The following UCHL3 variants were observed in gnomAD, a reference collection of about 807,000 sequenced individuals.
UCHL3 encodes ubiquitin C-terminal hydrolase L3.
Under a neutral mutation model 35.8 loss-of-function variants are expected in UCHL3, and 22 were observed. The ratio of observed to expected loss-of-function variants is 0.61; its 90% CI spans 0.44 to 0.88. UCHL3 has a LOEUF of 0.88. Ranked by LOEUF, UCHL3 falls within the 40% of genes least tolerant of loss-of-function variation. The pLI, the probability that UCHL3 is intolerant of heterozygous loss-of-function variation, is 0.00. For missense variants in UCHL3, 229 were observed against 276.9 expected (o/e 0.83, Z 1.23); for synonymous variants, 90 against 92.8 (o/e 0.97, Z 0.17).
At chr13:75,559,522 A>G (rs2031422283) in intron 2 of UCHL3, among the ~76,000 whole-genome samples, 1 of 152,188 alleles carries the variant, frequency 6.6e-6, no homozygotes, top group Non-Finnish European at 1.5e-5. Context: ...CAGAGAAATG[A>G]AGGGATAAGG....
chr13:75,567,313 G>A lies in UCHL3; in HGVS notation c.426+1G>A. ...AGCCAGATACCTGGAGAACTATGAT[G>A]TCGGTACCTTCTTTCCGTTTTGATC... On this transcript the variant is annotated splice_donor_variant, in intron 5 of 8. Transcript: ENST00000377595. LOFTEE classifies it high-confidence loss of function. 6.2e-7 allele frequency: 1 copy of A among 1,613,956 alleles called. No homozygotes were observed. Among genetic ancestry groups the A allele is most frequent in the South Asian group, 1.1e-5 (1 of 91,056 alleles).
chr13:75,589,307 A>C (rs1392847611), intron 6 of UCHL3, among the ~76,000 whole-genome samples: 1 of 152,154 alleles, frequency 6.6e-6, no homozygotes, highest in African/African-American at 2.4e-5. Flanking sequence ...CAAGTCCTTA[A>C]AAAGCACCTG....
At chr13:75,556,981 C>T (rs1050219584) in intron 2 of UCHL3, among the ~76,000 whole-genome samples, 3 of 152,108 alleles carry the variant, frequency 2.0e-5, no homozygotes, top group Admixed American at 2.0e-4. Flanking sequence ...CTTTGGGAGG[C>T]CGGGGCCAGA....
intron 7 of UCHL3, among the ~76,000 whole-genome samples, chr13:75,596,246 AAATGTGC>A (rs1207693609): frequency 1.3e-5 from 2 of 152,232 alleles, no homozygotes; most frequent in African/African-American, 4.8e-5. Context: ...GTATTTATAA[AAATGTGC>A]AACCCTGAGC....
intron 6 of UCHL3, among the ~76,000 whole-genome samples, chr13:75,576,163 A>T (rs2032015998): frequency 6.6e-6 from 1 of 152,138 alleles, no homozygotes; most frequent in African/African-American, 2.4e-5. Context: ...TAGGAAACAG[A>T]TTGTGTGAGA....
chr13:75,581,759 G>C (rs1438681887), intron 6 of UCHL3, among the ~76,000 whole-genome samples: 1 of 150,374 alleles, frequency 6.7e-6, no homozygotes, highest in Non-Finnish European at 1.5e-5. Context: ...AAATACGTTG[G>C]TTATTTTATT....
intron 7 of UCHL3, among the ~76,000 whole-genome samples, chr13:75,599,215 C>A (rs2138584115): frequency 6.6e-6 from 1 of 150,770 alleles, no homozygotes; most frequent in South Asian, 2.1e-4. Flanking sequence ...AATTGATCCT[C>A]CTGCTTTAGC....
intron 7 of UCHL3, among the ~76,000 whole-genome samples, chr13:75,596,332 A>G (rs8000062): frequency 0.51 from 78,045 of 151,992 alleles, 20,240 homozygotes; most frequent in East Asian, 0.63. Flanking sequence ...TTATTTTGGT[A>G]GTATATAATG....
At chr13:75,549,765 C>G (rs948910057), upstream of UCHL3, 21 of 1,453,930 alleles carry the variant, frequency 1.4e-5, 1 homozygote, top group South Asian at 2.9e-4. Flanking sequence ...TGGGCGGAAG[C>G]GGCGGCGGCG....
chr13:75,571,977 T>TGTCTTGTCTC (rs2031873376), intron 6 of UCHL3, among the ~76,000 whole-genome samples: 1 of 8,278 alleles, frequency 1.2e-4, no homozygotes, highest in Admixed American at 1.7e-3. Context: ...TTCCTAACCC[T>TGTCTTGTCTC]GTCTTGTCTT....
At chr13:75,568,545 T>C (rs1174589622) in intron 5 of UCHL3, among the ~76,000 whole-genome samples, 1 of 151,890 alleles carries the variant, frequency 6.6e-6, no homozygotes, top group Admixed American at 6.6e-5. Flanking sequence ...AACTTGCTTT[T>C]TTCACTTATC....
At chr13:75,589,880 A>G (rs1019214774) in intron 6 of UCHL3, 13 of 1,221,272 alleles carry the variant, frequency 1.1e-5, no homozygotes, top group Non-Finnish European at 1.4e-5. Context: ...GCTTTTAAGA[A>G]TAAATGATCA....
chr13:75,592,459 T>TATATGTATATATGTATATATATATAG (rs2032534076), intron 6 of UCHL3, among the ~76,000 whole-genome samples: 1 of 110,074 alleles, frequency 9.1e-6, no homozygotes, highest in Non-Finnish European at 2.0e-5. Flanking sequence ...TATATATATA[T>TATATGTATATATGTATATATATATAG]ATATATATGA....
intron 6 of UCHL3, among the ~76,000 whole-genome samples, chr13:75,572,559 G>A (rs1448453046): frequency 6.6e-6 from 1 of 152,058 alleles, no homozygotes; most frequent in Non-Finnish European, 1.5e-5. Context: ...TGATTCATTT[G>A]TGCATGTTCC....
chr13:75,587,985 C>T (rs894780576), intron 6 of UCHL3, among the ~76,000 whole-genome samples: 1 of 152,080 alleles, frequency 6.6e-6, no homozygotes, highest in East Asian at 1.9e-4. Flanking sequence ...TTGCCACAAA[C>T]GTATTGATGA....
chr13:75,553,187 T>A (rs1181543939), intron 2 of UCHL3, among the ~76,000 whole-genome samples: 2 of 152,204 alleles, frequency 1.3e-5, no homozygotes, highest in Non-Finnish European at 2.9e-5. Context: ...AAAAAAATCT[T>A]TGTTATCCTG....
chr13:75,586,086 T>TA (rs531971780), intron 6 of UCHL3, among the ~76,000 whole-genome samples: 117 of 152,112 alleles, frequency 7.7e-4, no homozygotes, highest in African/African-American at 2.6e-3. Flanking sequence ...ATCAGTTTAG[T>TA]AAAAAAGCAA....
rs1167415215 is a variant in UCHL3 at position 75,560,762 on chromosome 13, C to A, written c.64C>A (p.Gln22Lys). Residue 22 changes from glutamine (Q) to lysine (K), a missense_variant, in exon 3 of 9, where the codon CAA becomes AAA. Physicochemically the swap from Gln to Lys is moderately conservative, Grantham distance 53. Coordinates refer to ENST00000377595, the MANE Select transcript of UCHL3 (RefSeq NM_006002.5). ...NPEVTNQFLKQLGLHPNWQFV... is the reference protein window; with the variant it reads ...NPEVTNQFLKKLGLHPNWQFV... ...TTCTTTCTTTTACCAGTTTCTTAAACAATTAGGTCTACATCCTAACTGGCA... is the reference window on the plus strand; with the variant it reads ...TTCTTTCTTTTACCAGTTTCTTAAAAAATTAGGTCTACATCCTAACTGGCA... The A allele has an allele frequency of 1.9e-6, 3 of 1,594,868 alleles. No individual in the cohort carries two copies. The highest frequency in any genetic ancestry group is 2.6e-6 in the Non-Finnish European group (3 of 1,173,826).
At chr13:75,564,338 G>T (rs974737365) in intron 3 of UCHL3, among the ~76,000 whole-genome samples, 4 of 151,992 alleles carry the variant, frequency 2.6e-5, no homozygotes, top group Non-Finnish European at 5.9e-5. Flanking sequence ...TTTTAGTAGA[G>T]ACGGGGTTTC....
Sources: gnomAD v4.1 joint callset for allele counts (sites outside exome capture counted in the v4.1 genomes callset) on GRCh38, gnomAD v4.1.1 for gene constraint, MANE v1.5 for transcripts, NCBI Gene and HGNC (gene_info 2026-07-23, HGNC 2026-07-21) for gene names.